Variants in MAP4K1 observed in about 807,000 individuals in gnomAD.
The protein encoded by MAP4K1 is mitogen-activated protein kinase kinase kinase kinase 1.
A neutral mutation model predicts 122.8 loss-of-function variants in MAP4K1; 35 were observed. The ratio of observed to expected loss-of-function variants is 0.29; its 90% CI spans 0.22 to 0.38. The LOEUF is 0.38. Among genes scored for constraint, MAP4K1 ranks in the 10% least tolerant of loss-of-function variants. The probability of loss-of-function intolerance (pLI) is 1.00; values close to 1 mark genes in which losing one functional copy is unlikely to be tolerated. For synonymous variants in MAP4K1, 412 were observed against 421.3 expected (o/e 0.98, Z 0.27); for missense variants, 791 against 1,072.6 (o/e 0.74, Z 3.67).
chr19:38,595,885 C>T, intron 27 of MAP4K1, 54 bp downstream of exon 27: 1 of 1,591,750 alleles, frequency 6.3e-7, no homozygotes, highest in Non-Finnish European at 8.6e-7. Flanking sequence ...AGGCAGAGAT[C>T]TAGGGACTGC....
intron 22 of MAP4K1, among the ~76,000 whole-genome samples, chr19:38,598,753 C>T (rs1974963903): frequency 6.6e-6 from 1 of 152,142 alleles, no homozygotes; most frequent in Non-Finnish European, 1.5e-5. Context: ...GTGGCTTACA[C>T]CTGTAATCCC....
At chr19:38,614,704 T>G (rs897823233) in intron 4 of MAP4K1, 1 of 519,720 alleles carries the variant, frequency 1.9e-6, no homozygotes, top group African/African-American at 1.9e-5. Flanking sequence ...GTGGATCACT[T>G]GAGGTCAGGA....
At position 38,596,432 on chromosome 19, in the gene MAP4K1, G is replaced by A; in HGVS notation, c.1996C>T (p.Pro666Ser). Residue 666 changes from proline to serine, a missense_variant, in exon 26 of 31, where the codon CCA becomes TCA. Pro to Ser is a moderately conservative substitution (Grantham distance 74). Transcript: ENST00000396857. ...CACACAGCGGGCAGCTCAGAGCCTG[G>A]CCCGGTCAGCAGCGCGAACACGGAC... is the stretch of plus-strand genomic sequence containing the variant. ...PLSVFALLTG[P>S]GSELPAVCIG... 6.3e-7 allele frequency: 1 copy of A among 1,590,870 alleles called. No homozygotes were observed. The highest frequency in any genetic ancestry group is 8.5e-7 in the Non-Finnish European group (1 of 1,173,170).
intron 19 of MAP4K1, among the ~76,000 whole-genome samples, chr19:38,603,841 G>A (rs1425562447): frequency 6.6e-6 from 1 of 152,018 alleles, no homozygotes; most frequent in African/African-American, 2.4e-5. Flanking sequence ...AAAATTAGCT[G>A]GGCGTGGTGG....
intron 29 of MAP4K1, among the ~76,000 whole-genome samples, chr19:38,594,369 G>GT (rs1377966485): frequency 6.6e-6 from 1 of 152,174 alleles, no homozygotes; most frequent in Non-Finnish European, 1.5e-5. Flanking sequence ...GCCGGGTGAA[G>GT]TAGCTCACGC....
chr19:38,610,535 G>A (rs532890012), intron 11 of MAP4K1, among the ~76,000 whole-genome samples: 26 of 151,906 alleles, frequency 1.7e-4, no homozygotes, highest in Admixed American at 1.2e-3. Flanking sequence ...ACAGGCGTGC[G>A]CCACTATGCT....
At chr19:38,596,748 C>T (rs775794895) in intron 25 of MAP4K1, among the ~76,000 whole-genome samples, 3 of 152,182 alleles carry the variant, frequency 2.0e-5, no homozygotes, top group Non-Finnish European at 4.4e-5. Flanking sequence ...TGCTTAGACA[C>T]TCAAAGAGAC....
chr19:38,596,615 T>G, intron 25 of MAP4K1, 129 bp from the exon 26 acceptor site: 1 of 822,232 alleles, frequency 1.2e-6, no homozygotes, highest in Non-Finnish European at 1.8e-6. Context: ...TCTAGAAATG[T>G]CAGGGGATAA....
Position 38,611,100 on chromosome 19 carries a change from G to A in MAP4K1, c.761C>T (p.Thr254Ile), listed in dbSNP as rs759842138. ...SAAFHNFIKV[T>I]LTKSPKKRPS... Reference sequence around the variant, plus strand: ...TCGTTTCTTGGGACTCTTAGTCAGAGTGACTTTGATGAAGTTGTGGAAGGC... The same window carrying A: ...TCGTTTCTTGGGACTCTTAGTCAGAATGACTTTGATGAAGTTGTGGAAGGC... Residue 254 changes from threonine (T) to isoleucine (I), a missense_variant, in exon 11 of 31, where the codon ACT becomes ATT. Thr to Ile is a moderately conservative substitution (Grantham distance 89). Coordinates refer to ENST00000396857, the MANE Select transcript of MAP4K1 (RefSeq NM_001042600.3). 3 of 1,613,684 alleles carry A rather than the reference G, an allele frequency of 1.9e-6. No individual in the cohort carries two copies. Among genetic ancestry groups the A allele is most frequent in the Non-Finnish European group, 2.5e-6 (3 of 1,179,872 alleles).
chr19:38,592,244 A>C (rs1974748710), intron 30 of MAP4K1, among the ~76,000 whole-genome samples: 1 of 152,128 alleles, frequency 6.6e-6, no homozygotes, highest in Non-Finnish European at 1.5e-5. Flanking sequence ...ACTGCACTTC[A>C]GCCTGCGCAA....
chr19:38,610,362 C>T (rs1416880376), intron 11 of MAP4K1, among the ~76,000 whole-genome samples: 5 of 148,276 alleles, frequency 3.4e-5, no homozygotes, highest in African/African-American at 7.5e-5. Flanking sequence ...CGTGCCACCA[C>T]GCCCAGCTAA....
chr19:38,614,229 T>C lies in MAP4K1; in HGVS notation c.417+16A>G, dbSNP rs1357512923. ...GGGCCCCACCCCCCAACAGCACCCC[T>C]ACACCCCCAGACCACCTTGATGTCC... On this transcript the variant is annotated intron_variant, in intron 6 of 30. Transcript: ENST00000396857. 1.3e-6 allele frequency: 2 copies of C among 1,528,050 alleles called. No homozygotes were observed. Among genetic ancestry groups the C allele is most frequent in the Non-Finnish European group, 1.8e-6 (2 of 1,108,274 alleles). The allele number at this position is 1,528,050 out of a possible 1,614,324, so 94.7% of individuals were successfully genotyped here. A position where few individuals can be genotyped will look rare whatever the true frequency, so the allele number is the denominator to read the frequency against.
chr19:38,605,849 C>T, intron 17 of MAP4K1, 119 bp from the exon 18 acceptor site: 9 of 965,420 alleles, frequency 9.3e-6, no homozygotes, highest in South Asian at 3.1e-5. Context: ...GACCCACCCC[C>T]CCGACAACAT....
chr19:38,598,945 G>A (rs1046720831), intron 22 of MAP4K1, among the ~76,000 whole-genome samples: 6 of 149,622 alleles, frequency 4.0e-5, no homozygotes, highest in Admixed American at 1.3e-4. Context: ...CCTGGGAAAC[G>A]GAGGTTGCAG....
At chr19:38,613,309 GA>G (rs1207056960) in intron 8 of MAP4K1, among the ~76,000 whole-genome samples, 44 of 43,868 alleles carry the variant, frequency 1.0e-3, no homozygotes, top group East Asian at 1.3e-3. Flanking sequence ...TCCGTCTCAA[GA>G]AAAAAAAAAA....
intron 3 of MAP4K1, 120 bp from the exon 4 acceptor site, chr19:38,616,379 ATCACTCCACC>A (rs1172262354): frequency 1.6e-6 from 1 of 640,358 alleles, no homozygotes; most frequent in African/African-American, 1.9e-5. Context: ...AACAGCTCTC[ATCACTCCACC>A]TCTCCTTGTC....
intron 8 of MAP4K1, 137 bp from the exon 9 acceptor site, chr19:38,612,879 A>T (rs925326072): frequency 1.1e-5 from 10 of 900,676 alleles, no homozygotes; most frequent in African/African-American, 3.3e-5. Context: ...AGGAGTAAAG[A>T]CAGACACAGG....
At chr19:38,591,601 T>C in intron 30 of MAP4K1, among the ~76,000 whole-genome samples, 1 of 152,006 alleles carries the variant, frequency 6.6e-6, no homozygotes, top group African/African-American at 2.4e-5. Context: ...AGTGTGAGTT[T>C]TAAATTATGT....
chr19:38,616,379 A>C, intron 3 of MAP4K1, 120 bp from the exon 4 acceptor site: 30 of 640,476 alleles, frequency 4.7e-5, no homozygotes, highest in East Asian at 6.1e-5. Flanking sequence ...AACAGCTCTC[A>C]TCACTCCACC....
Sources: gnomAD v4.1 joint callset for allele counts (sites outside exome capture counted in the v4.1 genomes callset) on GRCh38, gnomAD v4.1.1 for gene constraint, MANE v1.5 for transcripts, NCBI Gene and HGNC (gene_info 2026-07-23, HGNC 2026-07-21) for gene names.